The following PCDH15 variants were observed in gnomAD, a reference collection of about 807,000 sequenced individuals.
The protein encoded by PCDH15 is protocadherin related 15.
PCDH15 carries 129 observed loss-of-function variants against 178.5 expected under a neutral mutation model. The ratio of observed to expected loss-of-function variants is 0.72; its 90% confidence interval spans 0.63 to 0.84. PCDH15 has a LOEUF of 0.84. PCDH15 is among the 40% of genes least tolerant of loss of function. The pLI is 0.00. For synonymous variants in PCDH15, 800 were observed against 732.0 expected (o/e 1.09, Z -1.50); for missense variants, 2,230 against 2,099.9 (o/e 1.06, Z -1.21).
chr10:55,060,282 G>C (rs1459246814), intron 2 of PCDH15, among the ~76,000 whole-genome samples: 2 of 152,006 alleles, frequency 1.3e-5, no homozygotes, highest in Non-Finnish European at 2.9e-5. Flanking sequence ...GTGCACAAAA[G>C]TATTTATTGA....
chr10:53,912,099 C>T (rs956676857), intron 25 of PCDH15, among the ~76,000 whole-genome samples: 16 of 152,230 alleles, frequency 1.1e-4, no homozygotes, highest in South Asian at 6.2e-4. Context: ...TTATCCACCA[C>T]GATCAAGTCA....
intron 21 of PCDH15, among the ~76,000 whole-genome samples, chr10:53,969,732 C>T (rs1350681029): frequency 6.6e-6 from 1 of 152,136 alleles, no homozygotes; most frequent in South Asian, 2.1e-4. Flanking sequence ...GAATTTTCAA[C>T]CCAGAATTTC....
intron 3 of PCDH15, among the ~76,000 whole-genome samples, chr10:54,880,226 T>G (rs2131805234): frequency 6.6e-6 from 1 of 152,296 alleles, no homozygotes; most frequent in African/African-American, 2.4e-5. Context: ...TTAAAGTCGC[T>G]AACTTGCTAA....
chr10:55,236,150 T>C (rs776587847), intron 1 of PCDH15, among the ~76,000 whole-genome samples: 3 of 151,952 alleles, frequency 2.0e-5, no homozygotes, highest in Non-Finnish European at 2.9e-5. Context: ...AGTGTTTCTG[T>C]TGAGTTTGAA....
At position 54,763,063 on chromosome 10, in the gene PCDH15, C is replaced by T. The variant is rs557590906; in HGVS notation, c.-29+37862G>A. Among the ~76,000 whole-genome samples, 8 of 152,210 alleles carry T rather than the reference C, an allele frequency of 5.3e-5. No homozygotes were observed. The South Asian group carries it at 1.7e-3, about 32-fold the overall frequency. The stretch of plus-strand genomic sequence containing the variant: ...TTCAGCTAAGGTATACATCACAGAC[C>T]ATCTGTGAGAGGACACTATTTCATT... On this transcript the variant is annotated intron_variant, in intron 1 of 37. Coordinates refer to ENST00000644397, the MANE Select transcript of PCDH15 (RefSeq NM_001384140.1).
chr10:54,748,437 A>T (rs1443117001), intron 1 of PCDH15, among the ~76,000 whole-genome samples: 1 of 152,052 alleles, frequency 6.6e-6, no homozygotes, highest in Admixed American at 6.5e-5. Flanking sequence ...CTTGCATAGG[A>T]TGTAGTAAAG....
chr10:53,878,541 A>ATATAATG (rs1554841246), intron 26 of PCDH15, among the ~76,000 whole-genome samples: 4 of 145,664 alleles, frequency 2.7e-5, no homozygotes, highest in African/African-American at 7.5e-5. Context: ...TATATATAAT[A>ATATAATG]AAACACTGAA....
intron 3 of PCDH15, among the ~76,000 whole-genome samples, chr10:54,422,422 A>T (rs1955655081): frequency 6.6e-6 from 1 of 152,156 alleles, no homozygotes; most frequent in Non-Finnish European, 1.5e-5. Context: ...AGTGGTCAAT[A>T]AAATATTGTT....
chr10:54,854,235 G>T (rs1158050873), intron 3 of PCDH15, among the ~76,000 whole-genome samples: 1 of 152,170 alleles, frequency 6.6e-6, no homozygotes, highest in Non-Finnish European at 1.5e-5. Flanking sequence ...GAAGCTTAGA[G>T]ATGCCAGAAA....
At chr10:55,239,408 C>A (rs1841483401) in intron 1 of PCDH15, among the ~76,000 whole-genome samples, 1 of 152,114 alleles carries the variant, frequency 6.6e-6, no homozygotes, top group Non-Finnish European at 1.5e-5. Flanking sequence ...TAGCAGTGAT[C>A]TCATTTTTGA....
At chr10:55,180,833 G>A (rs1839628899) in intron 1 of PCDH15, among the ~76,000 whole-genome samples, 1 of 151,914 alleles carries the variant, frequency 6.6e-6, no homozygotes. Flanking sequence ...TGTTTGTTTT[G>A]AGTTAACACT....
At chr10:54,163,485 G>C (rs1368636921) in intron 13 of PCDH15, among the ~76,000 whole-genome samples, 4 of 152,036 alleles carry the variant, frequency 2.6e-5, no homozygotes, top group African/African-American at 9.7e-5. Context: ...TCACTATCAT[G>C]AGAATAGCAT....
Position 54,596,975 on chromosome 10 carries a change from T to C in PCDH15, c.91+67197A>G, listed in dbSNP as rs552295237. 3.9e-5 allele frequency among the ~76,000 whole-genome samples: 6 copies of C among 152,220 alleles called. No individual in the cohort carries two copies. In the South Asian group the frequency reaches 1.2e-3, roughly 32 times the overall value. On this transcript the variant is annotated intron_variant, in intron 2 of 37. Coordinates refer to ENST00000644397, the MANE Select transcript of PCDH15 (RefSeq NM_001384140.1). ...GTTCTTAGGGACCTTCAAGGAGACT[T>C]AGGCTACTACACAATAATACGGGGA...
intron 2 of PCDH15, among the ~76,000 whole-genome samples, chr10:55,060,761 G>A (rs1362410142): frequency 3.3e-5 from 5 of 151,928 alleles, no homozygotes; most frequent in Non-Finnish European, 7.4e-5. Flanking sequence ...GTATTTGATA[G>A]TGTTTTTGAA....
chr10:54,713,879 G>A (rs2095450405), intron 1 of PCDH15, among the ~76,000 whole-genome samples: 3 of 152,190 alleles, frequency 2.0e-5, no homozygotes, highest in South Asian at 2.1e-4. Flanking sequence ...CTTTTCCCTT[G>A]ATAAACATTG....
intron 21 of PCDH15, among the ~76,000 whole-genome samples, chr10:53,963,494 C>T (rs993338950): frequency 6.6e-6 from 1 of 152,110 alleles, no homozygotes; most frequent in Non-Finnish European, 1.5e-5. Flanking sequence ...CCTGGAACCT[C>T]TCCCAGTCTG....
At chr10:55,607,645 A>G (rs1211071770) in intron 2 of PCDH15, among the ~76,000 whole-genome samples, 2 of 148,298 alleles carry the variant, frequency 1.3e-5, no homozygotes, top group Non-Finnish European at 3.0e-5. Flanking sequence ...AACTATCACA[A>G]GAACAAAAAA....
At chr10:55,506,683 T>C (rs370670080) in intron 2 of PCDH15, among the ~76,000 whole-genome samples, 2 of 151,544 alleles carry the variant, frequency 1.3e-5, no homozygotes, top group African/African-American at 4.8e-5. Flanking sequence ...CGGGAGAGTG[T>C]ATAATTTATA....
intron 2 of PCDH15, among the ~76,000 whole-genome samples, chr10:55,164,093 G>C (rs549018927): frequency 6.6e-6 from 1 of 152,126 alleles, no homozygotes; most frequent in East Asian, 1.9e-4. Flanking sequence ...GAGGCCACAC[G>C]ATGCAGTAGA....
Sources: gnomAD v4.1 joint callset for allele counts (sites outside exome capture counted in the v4.1 genomes callset) on GRCh38, gnomAD v4.1.1 for gene constraint, MANE v1.5 for transcripts, NCBI Gene and HGNC (gene_info 2026-07-23, HGNC 2026-07-21) for gene names.